CDKL5: variants seen among roughly 807,000 people sequenced by gnomAD.
The protein encoded by CDKL5 is cyclin dependent kinase like 5.
A neutral mutation model predicts 61.7 loss-of-function variants in CDKL5; 8 were observed. The observed-to-expected ratio is 0.13, with a 90% CI of 0.08 to 0.23. The LOEUF is 0.23. Among genes scored for constraint, CDKL5 ranks in the 10% least tolerant of loss-of-function variants. The pLI, the probability that CDKL5 is intolerant of heterozygous loss-of-function variation, is 1.00. For synonymous variants in CDKL5, 275 were observed against 272.3 expected, an observed-to-expected ratio of 1.01 and a Z score of -0.10; for missense variants, 440 against 734.5, an observed-to-expected ratio of 0.60 and a Z score of 4.63.
rs1193112234 is a variant in CDKL5, at chrX:18,638,871, G to A, written c.*10114G>A. 1.8e-5 allele frequency among the ~76,000 whole-genome samples: 2 copies of A among 112,064 alleles called. No individual in the cohort carries two copies. The highest frequency in any genetic ancestry group is 3.2e-5 in the African/African-American group (1 of 30,875). ...GTGAGGTAATAGAATTTGGAGTCCA[G>A]AAATAAACCCTCTCACATTTATGGT... On this transcript the variant is annotated 3_prime_UTR_variant, in exon 18 of 18. Transcript: ENST00000623535.
chrX:18,643,441 G>A (rs1408281086), downstream of CDKL5, among the ~76,000 whole-genome samples: 3 of 112,285 alleles, frequency 2.7e-5, no homozygotes, highest in Admixed American at 1.9e-4. Flanking sequence ...AGAGAGGGGA[G>A]GGTGGAACAG....
chrX:18,619,404 A>G (rs1926820207), intron 15 of CDKL5, among the ~76,000 whole-genome samples: 2 of 111,686 alleles, frequency 1.8e-5, no homozygotes, highest in Non-Finnish European at 3.8e-5. Context: ...AGATGTTTTT[A>G]TAGCTGTATT....
At chrX:18,586,245 TC>T (rs754520890) in intron 8 of CDKL5, among the ~76,000 whole-genome samples, 2 of 111,987 alleles carry the variant, frequency 1.8e-5, no homozygotes, top group Non-Finnish European at 3.8e-5. Flanking sequence ...CTATATTTCT[TC>T]CGTGTACCTT....
intron 3 of CDKL5, among the ~76,000 whole-genome samples, chrX:18,524,687 G>A (rs1315299032): frequency 8.9e-6 from 1 of 111,887 alleles, no homozygotes; most frequent in Non-Finnish European, 1.9e-5. Flanking sequence ...CCAAACTGAA[G>A]GTCACCTAGA....
chrX:18,525,341 T>C (rs904378521), intron 3 of CDKL5, among the ~76,000 whole-genome samples: 1 of 111,591 alleles, frequency 9.0e-6, no homozygotes, highest in Admixed American at 9.5e-5. Context: ...CCAGGTGATC[T>C]ACCCACTTCA....
At chrX:18,500,116 G>A (rs1050564144) in intron 1 of CDKL5, among the ~76,000 whole-genome samples, 13 of 111,130 alleles carry the variant, frequency 1.2e-4, no homozygotes, top group African/African-American at 4.3e-4. Flanking sequence ...TCAAGTGAGT[G>A]GTGATTTATC....
intron 3 of CDKL5, among the ~76,000 whole-genome samples, chrX:18,548,714 C>T (rs1303728450): frequency 1.8e-5 from 2 of 111,911 alleles, no homozygotes; most frequent in East Asian, 2.8e-4. Flanking sequence ...CTGTTCTATA[C>T]GTCACAGTCT....
intron 1 of CDKL5, among the ~76,000 whole-genome samples, chrX:18,475,319 G>A (rs1357522836): frequency 9.1e-6 from 1 of 109,973 alleles, no homozygotes; most frequent in Non-Finnish European, 1.9e-5. Flanking sequence ...TTTTGAGACA[G>A]TGTCTTGCTC....
chrX:18,619,043 G>A (rs1451075687), intron 15 of CDKL5, among the ~76,000 whole-genome samples: 1 of 110,823 alleles, frequency 9.0e-6, no homozygotes, highest in African/African-American at 3.3e-5. Flanking sequence ...AAGTTTTCTG[G>A]CTTTCAAAAT....
chrX:18,431,689 A>T (rs150424597), intron 1 of CDKL5, among the ~76,000 whole-genome samples: 2,346 of 109,047 alleles, frequency 0.022, 50 homozygotes, highest in African/African-American at 0.062. Context: ...CCTCCCAAAG[A>T]GCTGGGATTA....
chrX:18,547,976 C>T (rs945906348), intron 3 of CDKL5, among the ~76,000 whole-genome samples: 3 of 110,705 alleles, frequency 2.7e-5, no homozygotes, highest in Non-Finnish European at 3.8e-5. Context: ...ATTTTTGACG[C>T]GAGTTTTGTT....
chrX:18,430,807 C>T (rs1458193135), intron 1 of CDKL5, among the ~76,000 whole-genome samples: 1 of 110,732 alleles, frequency 9.0e-6, no homozygotes, highest in Non-Finnish European at 1.9e-5. Context: ...GTAGAACTTT[C>T]TGCTATTTAA....
At chrX:18,644,413 G>C (rs761024021), downstream of CDKL5, 38 of 1,205,909 alleles carry the variant, frequency 3.2e-5, no homozygotes, top group Non-Finnish European at 3.9e-5. Flanking sequence ...AGTTGGTTTG[G>C]GATAAGCCCA....
chrX:18,628,823 G>A lies in CDKL5; in HGVS notation c.*66G>A. On this transcript the variant is annotated 3_prime_UTR_variant, in exon 18 of 18. Transcript: ENST00000623535. ...GGGGAGGGGTGGGAAAGGGTGGGCT[G>A]GGCTTGGGGCATGGGCCGGGCCAAG... The A allele has an allele frequency of 9.7e-7, 1 of 1,026,018 alleles. No individual in the cohort carries two copies. The highest frequency in any genetic ancestry group is 4.0e-4 in the Middle Eastern group (1 of 2,509). 84.6% of individuals were successfully genotyped at this position (1,026,018 alleles called of 1,213,427 possible). A position where few individuals can be genotyped will look rare whatever the true frequency, so the allele number is the denominator to read the frequency against.
At chrX:18,648,895 T>A (rs374398248) in intron 20 of CDKL5, among the ~76,000 whole-genome samples, 1 of 109,406 alleles carries the variant, frequency 9.1e-6, no homozygotes, top group East Asian at 2.9e-4. Context: ...TGGGGCAACA[T>A]AGGGAGACCC....
In CDKL5 at chrX:18,631,966, G is replaced by A; in HGVS notation, c.*3209G>A. 3 of 623,416 alleles carry A rather than the reference G, an allele frequency of 4.8e-6. No individual in the cohort carries two copies. The highest frequency in any genetic ancestry group is 5.8e-6 in the Non-Finnish European group (3 of 519,879). The allele number at this position is 623,416 out of a possible 1,213,427, so 51.4% of individuals were successfully genotyped here. Reference sequence around the variant, plus strand: ...ACATTTGGTTGTCATAGCTGGGGGGGAGGTGATGGTATGCTACTGGCATCA... The same window carrying A: ...ACATTTGGTTGTCATAGCTGGGGGGAAGGTGATGGTATGCTACTGGCATCA... On this transcript the variant is annotated 3_prime_UTR_variant, in exon 18 of 18. Transcript: ENST00000623535.
chrX:18,429,867 G>T (rs776596491), intron 1 of CDKL5, among the ~76,000 whole-genome samples: 23 of 111,964 alleles, frequency 2.1e-4, no homozygotes, highest in Admixed American at 9.5e-4. Context: ...TGAACTCCTG[G>T]CGTCAAGCGA....
In CDKL5 at chrX:18,653,573, G is replaced by A. The variant is rs764547426; in HGVS notation, c.*29G>A. 5.5e-5 allele frequency: 66 copies of A among 1,198,854 alleles called. No individual in the cohort carries two copies. In the Admixed American group the frequency reaches 1.4e-3, roughly 25 times the overall value. ...CTGCAAGCCTGCGGCTGGTCCCAATGCCCTGAATCACCTCTCTCATGGAAG... is the reference window on the plus strand; with the variant it reads ...CTGCAAGCCTGCGGCTGGTCCCAATACCCTGAATCACCTCTCTCATGGAAG... On this transcript the variant is annotated 3_prime_UTR_variant, in exon 22 of 22. Coordinates refer to the CDKL5 transcript ENST00000379989.
intron 1 of CDKL5, among the ~76,000 whole-genome samples, chrX:18,441,647 T>C (rs1174658944): frequency 9.0e-6 from 1 of 111,359 alleles, no homozygotes; most frequent in Non-Finnish European, 1.9e-5. Flanking sequence ...TTGTTATGGT[T>C]AACCTAGTGT....
Sources: allele counts gnomAD v4.1 joint callset (sites outside exome capture counted in the v4.1 genomes callset), GRCh38; gene constraint gnomAD v4.1.1; transcripts MANE v1.5; gene names NCBI Gene and HGNC (gene_info 2026-07-23, HGNC 2026-07-21).